Variants in SLC24A2 observed in about 807,000 individuals in gnomAD.
SLC24A2 encodes sodium/potassium/calcium exchanger 2.
Under a neutral mutation model 62.0 loss-of-function variants are expected in SLC24A2, and 36 were observed. The observed-to-expected ratio is 0.58, with a 90% CI of 0.44 to 0.77. SLC24A2 has a LOEUF of 0.77. Among genes scored for constraint, SLC24A2 ranks in the 30% least tolerant of loss-of-function variants. The pLI is 0.00. For synonymous variants in SLC24A2, 358 were observed against 294.0 expected (o/e 1.22, Z -2.23); for missense variants, 846 against 817.9 (o/e 1.03, Z -0.42).
At position 19,550,254 on chromosome 9, in the gene SLC24A2, C is replaced by G. The variant is rs1214067449; in HGVS notation, c.1362G>C (p.Glu454Asp). 6.2e-7 allele frequency: 1 copy of G among 1,614,082 alleles called. No individual in the cohort carries two copies. Among genetic ancestry groups the G allele is most frequent in the South Asian group, 1.1e-5 (1 of 91,074 alleles). The change falls in exon 8 of 11, where the codon GAG becomes GAC. Residue 454 changes from glutamate (E) to aspartate (D), a missense_variant. Coordinates refer to ENST00000341998, the MANE Select transcript of SLC24A2 (RefSeq NM_020344.4). ...AGGCAAGGCTGAGAGGCTGGTCCTC[C>G]TCCTCATCAGCGGTCTGTGGTAGAA... ...EGAEAQTADEEEDQPLSLAWP... is the reference protein window; with the variant it reads ...EGAEAQTADEDEDQPLSLAWP...
At chr9:19,974,917 C>A in the SLC24A2 span, among the ~76,000 whole-genome samples, 5 of 152,152 alleles carry the variant, frequency 3.3e-5, no homozygotes, top group African/African-American at 9.7e-5. Flanking sequence ...GATGCCATGG[C>A]CAAATGTCAC....
At chr9:20,001,640 C>T in the SLC24A2 span, among the ~76,000 whole-genome samples, 1 of 152,280 alleles carries the variant, frequency 6.6e-6, no homozygotes, top group African/African-American at 2.4e-5. Flanking sequence ...CCATGTCATC[C>T]GCCAACTTTG....
At chr9:20,266,063 C>T in the SLC24A2 span, among the ~76,000 whole-genome samples, 5 of 152,252 alleles carry the variant, frequency 3.3e-5, no homozygotes, top group Middle Eastern at 3.4e-3. Flanking sequence ...AATGCGTGCC[C>T]GAAACTTCAT....
chr9:19,530,889 C>G (rs1833676379), intron 8 of SLC24A2, among the ~76,000 whole-genome samples: 1 of 152,140 alleles, frequency 6.6e-6, no homozygotes, highest in Non-Finnish European at 1.5e-5. Context: ...AAAATTCAAA[C>G]TAGGTCAGCC....
chr9:19,531,988 C>T (rs1027048601), intron 8 of SLC24A2, among the ~76,000 whole-genome samples: 8 of 152,080 alleles, frequency 5.3e-5, no homozygotes, highest in African/African-American at 1.9e-4. Flanking sequence ...GTTCCACCAC[C>T]CCTGAGGATA....
chr9:20,077,026 A>C, the SLC24A2 span, among the ~76,000 whole-genome samples: 1 of 151,510 alleles, frequency 6.6e-6, no homozygotes, highest in African/African-American at 2.4e-5. Flanking sequence ...GCCTTCAGCT[A>C]ATGAAATAAA....
intron 5 of SLC24A2, among the ~76,000 whole-genome samples, chr9:19,589,616 T>C (rs898593887): frequency 2.0e-5 from 3 of 152,232 alleles, no homozygotes; most frequent in Non-Finnish European, 2.9e-5. Flanking sequence ...GTTTCACTTA[T>C]GTAATACACA....
the SLC24A2 span, among the ~76,000 whole-genome samples, chr9:20,001,874 A>C: frequency 6.6e-6 from 1 of 152,230 alleles, no homozygotes. Context: ...GTGTTTATTG[A>C]AACATCAGTT....
the SLC24A2 span, among the ~76,000 whole-genome samples, chr9:20,210,758 C>G: frequency 1.4e-5 from 2 of 147,814 alleles, no homozygotes; most frequent in Admixed American, 6.9e-5. Flanking sequence ...CTGGCCTCAG[C>G]CTCCCATAGT....
At chr9:20,223,191 G>A in the SLC24A2 span, among the ~76,000 whole-genome samples, 3 of 152,026 alleles carry the variant, frequency 2.0e-5, no homozygotes, top group African/African-American at 7.2e-5. Flanking sequence ...TCTAAGAAAA[G>A]ATATACTATA....
intron 2 of SLC24A2, among the ~76,000 whole-genome samples, chr9:19,715,426 T>C (rs1005003645): frequency 1.3e-5 from 2 of 152,204 alleles, no homozygotes; most frequent in African/African-American, 4.8e-5. Flanking sequence ...TGAAATAATA[T>C]TTCCCTGAAG....
At chr9:19,670,848 C>G (rs1237899209) in intron 2 of SLC24A2, among the ~76,000 whole-genome samples, 79 of 152,236 alleles carry the variant, frequency 5.2e-4, no homozygotes, top group Non-Finnish European at 2.9e-5. Context: ...GCTCGATGAA[C>G]CTTATGGCTT....
the SLC24A2 span, among the ~76,000 whole-genome samples, chr9:19,992,572 A>G: frequency 6.6e-6 from 1 of 152,336 alleles, no homozygotes; most frequent in South Asian, 2.1e-4. Flanking sequence ...ATCTGAGATA[A>G]GATTTGATTA....
the SLC24A2 span, among the ~76,000 whole-genome samples, chr9:20,243,103 ACGAAAGGACTCCACACCCACCCC>A: frequency 6.6e-6 from 1 of 152,168 alleles, no homozygotes; most frequent in Non-Finnish European, 1.5e-5. Flanking sequence ...TTGGTTACAG[ACGAAAGGACTCCACACCCACCCC>A]CCATATTGTG....
At chr9:19,943,033 C>T in the SLC24A2 span, among the ~76,000 whole-genome samples, 1 of 152,218 alleles carries the variant, frequency 6.6e-6, no homozygotes, top group South Asian at 2.1e-4. Context: ...TATTGTTGAT[C>T]TGCATGAGGG....
chr9:20,157,468 A>G, the SLC24A2 span, among the ~76,000 whole-genome samples: 1 of 151,740 alleles, frequency 6.6e-6, no homozygotes, highest in Non-Finnish European at 1.5e-5. Context: ...TGAAACAGAA[A>G]AAGAAAACCA....
At chr9:20,289,518 T>A in the SLC24A2 span, among the ~76,000 whole-genome samples, 1 of 152,218 alleles carries the variant, frequency 6.6e-6, no homozygotes, top group Non-Finnish European at 1.5e-5. Flanking sequence ...GTCATTAACC[T>A]CTCTGAGTCT....
intron 2 of SLC24A2, among the ~76,000 whole-genome samples, chr9:19,719,161 G>T (rs1820951093): frequency 6.6e-6 from 1 of 152,144 alleles, no homozygotes; most frequent in Non-Finnish European, 1.5e-5. Flanking sequence ...TGGGGGCATA[G>T]CTTGCTAGCC....
the SLC24A2 span, among the ~76,000 whole-genome samples, chr9:20,056,640 T>C: frequency 2.0e-5 from 3 of 152,184 alleles, no homozygotes; most frequent in African/African-American, 7.2e-5. Flanking sequence ...TCAGTGGAAA[T>C]CAGATTCTTA....
Sources: gnomAD v4.1 joint callset for allele counts (sites outside exome capture counted in the v4.1 genomes callset) on GRCh38, gnomAD v4.1.1 for gene constraint, MANE v1.5 for transcripts, NCBI Gene and HGNC (gene_info 2026-07-23, HGNC 2026-07-21) for gene names.